FHIT: variants seen among roughly 807,000 people sequenced by gnomAD.
FHIT encodes the protein fragile histidine triad diadenosine triphosphatase.
FHIT carries 19 observed loss-of-function variants against 17.9 expected under a neutral mutation model. The ratio of observed to expected loss-of-function variants is 1.06; its 90% CI spans 0.74 to 1.56. FHIT has a LOEUF of 1.56. Among genes scored for constraint, FHIT ranks in the 40% most tolerant of loss-of-function variants. The pLI is 0.00. For synonymous variants in FHIT, 81 were observed against 69.7 expected, an observed-to-expected ratio of 1.16 and a Z score of -0.81; for missense variants, 248 against 189.2, an observed-to-expected ratio of 1.31 and a Z score of -1.82.
intron 2 of FHIT, among the ~76,000 whole-genome samples, chr3:61,119,211 A>G (rs1277170805): frequency 6.6e-6 from 1 of 151,726 alleles, no homozygotes; most frequent in Non-Finnish European, 1.5e-5. Flanking sequence ...CTTCATAGAT[A>G]CTGTGATAGT....
intron 4 of FHIT, among the ~76,000 whole-genome samples, chr3:60,545,267 T>G (rs2107614373): frequency 6.6e-6 from 1 of 152,320 alleles, no homozygotes. Flanking sequence ...TCTTCATCTG[T>G]TATTCAAAAG....
chr3:60,800,722 T>C (rs957398887), intron 4 of FHIT, among the ~76,000 whole-genome samples: 3 of 152,126 alleles, frequency 2.0e-5, no homozygotes, highest in Admixed American at 1.3e-4. Flanking sequence ...CGGAAAGATA[T>C]GGCTTCAGCT....
At chr3:60,258,663 T>C (rs1223437467) in intron 5 of FHIT, among the ~76,000 whole-genome samples, 3 of 152,228 alleles carry the variant, frequency 2.0e-5, no homozygotes, top group African/African-American at 7.2e-5. Context: ...AAAAAGCATA[T>C]AAATCTATTG....
At chr3:60,983,003 T>G (rs1424104451) in intron 3 of FHIT, among the ~76,000 whole-genome samples, 2 of 152,146 alleles carry the variant, frequency 1.3e-5, no homozygotes, top group Non-Finnish European at 2.9e-5. Flanking sequence ...ACACCATGAT[T>G]GACTCAGTCT....
chr3:60,806,386 C>T (rs1553734213), intron 4 of FHIT, among the ~76,000 whole-genome samples: 1 of 152,212 alleles, frequency 6.6e-6, no homozygotes, highest in East Asian at 1.9e-4. Context: ...TGAATCTTTT[C>T]TTTTGAAGGC....
chr3:60,702,093 G>A (rs781901545), intron 4 of FHIT, among the ~76,000 whole-genome samples: 4 of 152,098 alleles, frequency 2.6e-5, no homozygotes, highest in Non-Finnish European at 2.9e-5. Flanking sequence ...TAACTCCTGG[G>A]GCTCAAGCAC....
chr3:60,855,625 T>C (rs1342470061), intron 3 of FHIT, among the ~76,000 whole-genome samples: 3 of 152,154 alleles, frequency 2.0e-5, no homozygotes, highest in African/African-American at 7.2e-5. Flanking sequence ...TAATTTTCTG[T>C]TACAGGCAGC....
At chr3:60,118,774 CGGGGGGGGG>C (rs370446368) in intron 5 of FHIT, among the ~76,000 whole-genome samples, 1 of 66,042 alleles carries the variant, frequency 1.5e-5, no homozygotes, top group Non-Finnish European at 2.7e-5. Context: ...GTGGGGGCGG[CGGGGGGGGG>C]GGGGTGGTGA....
chr3:60,486,324 A>C (rs2033838383), intron 5 of FHIT, among the ~76,000 whole-genome samples: 1 of 152,166 alleles, frequency 6.6e-6, no homozygotes, highest in South Asian at 2.1e-4. Flanking sequence ...GATGTACTTC[A>C]TTCTTTTTTC....
chr3:60,819,280 A>C (rs2106757438), intron 4 of FHIT, among the ~76,000 whole-genome samples: 1 of 152,258 alleles, frequency 6.6e-6, no homozygotes. Context: ...GGCTTCCTTG[A>C]TCATCTTGCC....
At chr3:59,900,701 C>T (rs1258520482) in intron 8 of FHIT, among the ~76,000 whole-genome samples, 2 of 152,166 alleles carry the variant, frequency 1.3e-5, no homozygotes, top group African/African-American at 4.8e-5. Flanking sequence ...GCAAGCTCCG[C>T]CTCCCAGGTT....
chr3:60,688,994 C>T (rs929746747), intron 4 of FHIT, among the ~76,000 whole-genome samples: 4 of 152,092 alleles, frequency 2.6e-5, no homozygotes, highest in Admixed American at 6.6e-5. Flanking sequence ...TTGTAGCTCC[C>T]ATAATTCCCT....
chr3:60,338,373 C>T (rs1304762371), intron 5 of FHIT, among the ~76,000 whole-genome samples: 1 of 152,068 alleles, frequency 6.6e-6, no homozygotes, highest in Non-Finnish European at 1.5e-5. Flanking sequence ...TATTTATTTA[C>T]TTATTTATTT....
At chr3:60,651,080 A>G (rs1040944514) in intron 4 of FHIT, among the ~76,000 whole-genome samples, 1 of 152,160 alleles carries the variant, frequency 6.6e-6, no homozygotes, top group Non-Finnish European at 1.5e-5. Flanking sequence ...TGTATGAATA[A>G]TATTCCATGG....
intron 7 of FHIT, among the ~76,000 whole-genome samples, chr3:59,966,336 C>T (rs1253011446): frequency 6.6e-6 from 1 of 152,174 alleles, no homozygotes; most frequent in Non-Finnish European, 1.5e-5. Flanking sequence ...CTGTGCAACT[C>T]ACATATGGTT....
At chr3:60,361,654 C>T (rs566659726) in intron 5 of FHIT, among the ~76,000 whole-genome samples, 65 of 152,226 alleles carry the variant, frequency 4.3e-4, no homozygotes, top group African/African-American at 1.5e-3. Context: ...AAACAAAAGA[C>T]AACAAAAGCA....
At chr3:60,236,258 A>T (rs150116718) in intron 5 of FHIT, among the ~76,000 whole-genome samples, 113 of 150,020 alleles carry the variant, frequency 7.5e-4, no homozygotes, top group African/African-American at 2.6e-3. Context: ...TTTACTTTCT[A>T]TGTGTTTGCC....
At chr3:60,048,888 C>T (rs1701762005) in intron 5 of FHIT, among the ~76,000 whole-genome samples, 1 of 152,054 alleles carries the variant, frequency 6.6e-6, no homozygotes, top group African/African-American at 2.4e-5. Context: ...ATTGTGAAAC[C>T]ATAATTTTGC....
intron 4 of FHIT, among the ~76,000 whole-genome samples, chr3:60,663,578 G>A (rs541114111): frequency 7.9e-5 from 12 of 152,036 alleles, no homozygotes; most frequent in Admixed American, 6.5e-4. Flanking sequence ...TGGGATTACA[G>A]GCACCCACCA....
Sources: gnomAD v4.1 joint callset for allele counts (sites outside exome capture counted in the v4.1 genomes callset) on GRCh38, gnomAD v4.1.1 for gene constraint, MANE v1.5 for transcripts, NCBI Gene and HGNC (gene_info 2026-07-23, HGNC 2026-07-21) for gene names.